Variants in FAM120C observed in about 807,000 individuals in gnomAD.
FAM120C encodes the protein family with sequence similarity 120 member C.
A neutral mutation model predicts 71.2 loss-of-function variants in FAM120C; 14 were observed. That is an observed-to-expected ratio of 0.20 (90% confidence interval 0.13 to 0.31). The LOEUF (loss-of-function observed/expected upper bound fraction) is 0.31. Among genes scored for constraint, FAM120C ranks in the 10% least tolerant of loss-of-function variants. The pLI is 1.00. For missense variants in FAM120C, 500 were observed against 879.0 expected, an observed-to-expected ratio of 0.57 and a Z score of 5.45; for synonymous variants, 354 against 353.2, an observed-to-expected ratio of 1.00 and a Z score of -0.03.
At chrX:54,098,190 C>T (rs782675733) in intron 10 of FAM120C, among the ~76,000 whole-genome samples, 10 of 108,127 alleles carry the variant, frequency 9.2e-5, no homozygotes, top group African/African-American at 2.4e-4. Flanking sequence ...TACAGGCATG[C>T]GCCACCATGC....
chrX:54,078,444 A>C (rs1557120946), intron 15 of FAM120C, among the ~76,000 whole-genome samples: 1 of 112,084 alleles, frequency 8.9e-6, no homozygotes. Context: ...AAATCACCAA[A>C]GTCACTGTTC....
intron 1 of FAM120C, among the ~76,000 whole-genome samples, chrX:54,164,937 T>C (rs1042558957): frequency 1.1e-4 from 12 of 112,092 alleles, no homozygotes; most frequent in African/African-American, 3.9e-4. Context: ...GTGTGTTTTT[T>C]TTAACAGTAG....
chrX:54,099,309 T>C (rs2066871020), intron 10 of FAM120C, among the ~76,000 whole-genome samples: 1 of 111,422 alleles, frequency 9.0e-6, no homozygotes, highest in Non-Finnish European at 1.9e-5. Context: ...AACCAAGGTA[T>C]TGGGATTACA....
At chrX:54,136,312 A>G (rs781877713) in intron 5 of FAM120C, among the ~76,000 whole-genome samples, 179 bp downstream of exon 5, 1 of 111,982 alleles carries the variant, frequency 8.9e-6, no homozygotes, top group East Asian at 2.8e-4. Flanking sequence ...GGCCCTTCTT[A>G]TGTTACGTCT....
At chrX:54,168,041 T>C (rs2067269433) in intron 1 of FAM120C, among the ~76,000 whole-genome samples, 1 of 109,904 alleles carries the variant, frequency 9.1e-6, no homozygotes, top group African/African-American at 3.3e-5. Flanking sequence ...CAACCATAGG[T>C]AGTCTAAAGA....
intron 10 of FAM120C, among the ~76,000 whole-genome samples, chrX:54,097,311 C>T (rs1235458026): frequency 1.8e-5 from 2 of 111,878 alleles, no homozygotes; most frequent in Non-Finnish European, 3.8e-5. Context: ...CCTTGGATGA[C>T]TAGGAGACTA....
intron 9 of FAM120C, among the ~76,000 whole-genome samples, chrX:54,130,052 A>ACCCTG (rs1337146447): frequency 1.3e-5 from 1 of 78,003 alleles, no homozygotes; most frequent in Non-Finnish European, 2.4e-5. Flanking sequence ...GGAGAGGGAG[A>ACCCTG]GGGAGAGGGA....
At chrX:54,083,487 TAGTC>T (rs1321215683) in intron 13 of FAM120C, among the ~76,000 whole-genome samples, 4 of 77,299 alleles carry the variant, frequency 5.2e-5, no homozygotes, top group African/African-American at 9.9e-5. Context: ...ACCAAAATAT[TAGTC>T]AGGCATGTTG....
At chrX:54,123,752 T>C (rs2067008924) in intron 9 of FAM120C, among the ~76,000 whole-genome samples, 1 of 73,689 alleles carries the variant, frequency 1.4e-5, no homozygotes, top group Admixed American at 1.7e-4. Context: ...CTTTGTTCCA[T>C]TGCTGGTGAG....
intron 12 of FAM120C, among the ~76,000 whole-genome samples, chrX:54,086,387 G>T (rs781914620): frequency 1.8e-4 from 20 of 112,211 alleles, no homozygotes; most frequent in African/African-American, 6.5e-4. Context: ...AAAAGGGTCA[G>T]ATAGTAAATA....
At chrX:54,082,979 C>T (rs140850018) in intron 13 of FAM120C, among the ~76,000 whole-genome samples, 1,958 of 109,201 alleles carry the variant, frequency 0.018, 36 homozygotes, top group African/African-American at 0.062. Flanking sequence ...ATTAGCCAGG[C>T]GTGGTGGCAC....
At position 54,085,768 on chromosome X, in the gene FAM120C, C is replaced by T. The variant is rs782597475; in HGVS notation, c.2786G>A (p.Arg929Gln). The T allele has an allele frequency of 2.2e-5, 26 of 1,209,303 alleles. No individual in the cohort carries two copies. Among genetic ancestry groups the T allele is most frequent in the African/African-American group, 3.5e-5 (2 of 56,977 alleles). Residue 929 changes from arginine to glutamine, a missense_variant, in exon 13 of 16, where the codon CGA (arginine) becomes CAA (glutamine). Transcript: ENST00000375180. ...GGGAAGTGGCATGGAGCCCATAGCT[C>T]GGGAATAAAGTGAAACAGGGTAGAG... Reference protein sequence around the residue: ...PSLYPVSLYSRAMGSMPLPPQ... With the variant: ...PSLYPVSLYSQAMGSMPLPPQ...
At chrX:54,144,367 G>C (rs1219630176) in intron 4 of FAM120C, among the ~76,000 whole-genome samples, 1 of 111,909 alleles carries the variant, frequency 8.9e-6, no homozygotes, top group Non-Finnish European at 1.9e-5. Context: ...AAAAGAGGGA[G>C]TCAAATTGTC....
intron 4 of FAM120C, among the ~76,000 whole-genome samples, chrX:54,145,997 G>A (rs1447805501): frequency 5.4e-5 from 6 of 111,922 alleles, no homozygotes; most frequent in South Asian, 3.7e-4. Context: ...ATGAGTTCAC[G>A]TCCTTTGTAG....
At chrX:54,148,784 G>A (rs1035009796) in intron 4 of FAM120C, among the ~76,000 whole-genome samples, 3 of 111,639 alleles carry the variant, frequency 2.7e-5, no homozygotes, top group African/African-American at 6.5e-5. Flanking sequence ...TAATAACAAC[G>A]TATTATATTT....
At chrX:54,091,556 A>C in intron 10 of FAM120C, 130 bp from the exon 11 acceptor site, 1 of 438,564 alleles carries the variant, frequency 2.3e-6, no homozygotes, top group Admixed American at 4.0e-5. Flanking sequence ...GAATGAAGGA[A>C]AAAGAATCTC....
chrX:54,124,254 G>C (rs1489892506), intron 9 of FAM120C, among the ~76,000 whole-genome samples: 5 of 34,244 alleles, frequency 1.5e-4, no homozygotes, highest in African/African-American at 3.3e-4. Context: ...CACCCAGTTC[G>C]AGCTTCCCAG....
intron 1 of FAM120C, among the ~76,000 whole-genome samples, chrX:54,170,619 C>G (rs2067282798): frequency 8.9e-6 from 1 of 112,101 alleles, no homozygotes; most frequent in African/African-American, 3.2e-5. Flanking sequence ...ACAGCAGGAG[C>G]TTTGGCATCC....
chrX:54,124,710 G>A (rs1480415136), intron 9 of FAM120C, among the ~76,000 whole-genome samples: 1 of 110,285 alleles, frequency 9.1e-6, no homozygotes, highest in African/African-American at 3.3e-5. Flanking sequence ...CTGTAGACCG[G>A]AGCTGTTCCT....
Sources: allele counts gnomAD v4.1 joint callset (sites outside exome capture counted in the v4.1 genomes callset), GRCh38; gene constraint gnomAD v4.1.1; transcripts MANE v1.5; gene names NCBI Gene and HGNC (gene_info 2026-07-23, HGNC 2026-07-21).